RASGRP1: variants seen among roughly 807,000 people sequenced by gnomAD.
The protein encoded by RASGRP1 is RAS guanyl-releasing protein 1.
Under a neutral mutation model 95.1 loss-of-function variants are expected in RASGRP1, and 37 were observed. The observed-to-expected ratio is 0.39, with a 90% CI of 0.30 to 0.51. RASGRP1 has a LOEUF of 0.51. RASGRP1 is among the 20% of genes least tolerant of loss of function. The pLI is 0.80. For synonymous variants in RASGRP1, 325 were observed against 353.4 expected, an observed-to-expected ratio of 0.92 and a Z score of 0.90; for missense variants, 711 against 965.4, an observed-to-expected ratio of 0.74 and a Z score of 3.49.
rs548021831 is a variant in RASGRP1 at position 38,537,449 on chromosome 15, T to C, written c.221-11045A>G. On this transcript the variant is annotated intron_variant, in intron 2 of 16. Transcript: ENST00000310803. ...TGCCACACATCTGGCTGGGTAGTTATGCTACAGTTTGATTCTTTGATGAGC... is the reference window on the plus strand; with the variant it reads ...TGCCACACATCTGGCTGGGTAGTTACGCTACAGTTTGATTCTTTGATGAGC... Among the ~76,000 whole-genome samples, 415 of 152,212 alleles carry C rather than the reference T, an allele frequency of 2.7e-3. 2 individuals carry two copies. Among genetic ancestry groups the C allele is most frequent in the Admixed American group, 4.6e-3 (71 of 15,296 alleles).
At chr15:38,510,584 A>G (rs77505610) in intron 8 of RASGRP1, among the ~76,000 whole-genome samples, 2,394 of 152,362 alleles carry the variant, frequency 0.016, 66 homozygotes, top group African/African-American at 0.054. Flanking sequence ...GTCCTCTTAC[A>G]TGAAAGTGCT....
intron 3 of RASGRP1, among the ~76,000 whole-genome samples, chr15:38,520,665 G>A (rs1034065627): frequency 1.3e-5 from 2 of 151,982 alleles, no homozygotes; most frequent in African/African-American, 4.8e-5. Flanking sequence ...ATCTATTAGA[G>A]TTATAAAAAA....
intron 2 of RASGRP1, among the ~76,000 whole-genome samples, chr15:38,548,497 T>C (rs1893194036): frequency 6.6e-6 from 1 of 152,172 alleles, no homozygotes; most frequent in African/African-American, 2.4e-5. Flanking sequence ...TCACTTGAGC[T>C]GGGAAGGCAG....
intron 2 of RASGRP1, among the ~76,000 whole-genome samples, chr15:38,532,458 C>T (rs1384011018): frequency 2.0e-5 from 3 of 152,136 alleles, no homozygotes; most frequent in Non-Finnish European, 4.4e-5. Context: ...AAAAACTAAG[C>T]GGATTCTGGA....
intron 7 of RASGRP1, 97 bp from the exon 8 acceptor site, chr15:38,511,817 C>T (rs375340815): frequency 1.2e-6 from 1 of 827,808 alleles, no homozygotes. Context: ...GTGAGTCTCC[C>T]TTACGCTGGT....
intron 3 of RASGRP1, among the ~76,000 whole-genome samples, chr15:38,524,904 T>G (rs1892151918): frequency 6.8e-6 from 1 of 147,974 alleles, no homozygotes. Flanking sequence ...GGAGGGGGGG[T>G]CTGCCCCAAT....
chr15:38,505,190 C>T (rs749809851), intron 10 of RASGRP1, among the ~76,000 whole-genome samples: 6 of 152,098 alleles, frequency 3.9e-5, no homozygotes, highest in South Asian at 2.1e-4. Context: ...GGTTTGGAAA[C>T]GTCCCAGGAG....
intron 15 of RASGRP1, among the ~76,000 whole-genome samples, chr15:38,497,255 C>T (rs1029212099): frequency 6.6e-6 from 1 of 152,160 alleles, no homozygotes; most frequent in Non-Finnish European, 1.5e-5. Context: ...GTGCCCCAAC[C>T]GTCCCCAACA....
At chr15:38,547,424 C>T (rs1370380681) in intron 2 of RASGRP1, among the ~76,000 whole-genome samples, 1 of 152,156 alleles carries the variant, frequency 6.6e-6, no homozygotes, top group East Asian at 1.9e-4. Flanking sequence ...ATCAATGCTC[C>T]AGTTCCTTTC....
At chr15:38,515,040 G>T (rs975609848) in intron 6 of RASGRP1, among the ~76,000 whole-genome samples, 1 of 152,202 alleles carries the variant, frequency 6.6e-6, no homozygotes, top group African/African-American at 2.4e-5. Flanking sequence ...TGGAAGCTGG[G>T]AGCTTCCTGG....
chr15:38,534,164 C>T (rs1274195806), intron 2 of RASGRP1: 1 of 151,906 alleles, frequency 6.6e-6, no homozygotes, highest in Non-Finnish European at 1.5e-5. Flanking sequence ...GACAGTTAAT[C>T]CAGATCAACA....
chr15:38,509,154 A>G lies in RASGRP1; in HGVS notation c.967-1153T>C, dbSNP rs774233458. On this transcript the variant is annotated intron_variant, in intron 8 of 16. Transcript: ENST00000310803. The stretch of plus-strand genomic sequence containing the variant: ...TTCTTACTTAGATCTTAGCAACCTC[A>G]GCATATGATTTTTTTCCTTCCTTAT... Among the ~76,000 whole-genome samples the G allele has an allele frequency of 8.5e-5, 13 of 152,216 alleles. 1 individual carries two copies. The South Asian group carries it at 2.3e-3, about 27-fold the overall frequency.
chr15:38,522,284 C>A (rs536872580), intron 3 of RASGRP1, among the ~76,000 whole-genome samples: 2 of 152,292 alleles, frequency 1.3e-5, no homozygotes, highest in South Asian at 4.1e-4. Context: ...CCCTTGCAAT[C>A]TTTTATATTA....
intron 3 of RASGRP1, among the ~76,000 whole-genome samples, chr15:38,523,843 T>C (rs935084171): frequency 6.6e-6 from 1 of 152,220 alleles, no homozygotes; most frequent in Non-Finnish European, 1.5e-5. Flanking sequence ...CAACAGGCTG[T>C]ACCGTCTAGC....
At chr15:38,493,592 T>C (rs985304889) in intron 16 of RASGRP1, among the ~76,000 whole-genome samples, 4 of 152,224 alleles carry the variant, frequency 2.6e-5, no homozygotes, top group African/African-American at 9.6e-5. Flanking sequence ...CTCTGTTAGG[T>C]ACCTGATAAT....
chr15:38,560,701 G>GC (rs1396236210), intron 1 of RASGRP1, among the ~76,000 whole-genome samples: 1 of 152,162 alleles, frequency 6.6e-6, no homozygotes, highest in East Asian at 1.9e-4. Flanking sequence ...TTTCATGGTT[G>GC]ATAATACAGG....
At chr15:38,523,702 A>AT (rs560059160) in intron 3 of RASGRP1, among the ~76,000 whole-genome samples, 27 of 152,166 alleles carry the variant, frequency 1.8e-4, no homozygotes, top group African/African-American at 5.8e-4. Context: ...TATACATATC[A>AT]TTTTTTAATC....
intron 2 of RASGRP1, among the ~76,000 whole-genome samples, chr15:38,552,816 G>C (rs1455502206): frequency 6.6e-6 from 1 of 152,208 alleles, no homozygotes; most frequent in African/African-American, 2.4e-5. Flanking sequence ...GTATGAGCCA[G>C]CCCAGCACAC....
Position 38,503,325 on chromosome 15 carries a change from A to C in RASGRP1, c.1375T>G (p.Ser459Ala), listed in dbSNP as rs749308955. The C allele has an allele frequency of 1.9e-6, 3 of 1,612,726 alleles. No individual in the cohort carries two copies. The highest frequency in any genetic ancestry group is 2.5e-6 in the Non-Finnish European group (3 of 1,179,492). ...PVVVDWASGV[S>A]PKPDPKTISK... is the part of the protein sequence containing the mutation. The stretch of plus-strand genomic sequence containing the variant: ...ATGGTTTTTGGATCAGGTTTGGGAG[A>C]CACTCCAGAAGCCCAGTCCACTACT... The change falls in exon 11 of 17, where the codon TCT (serine) becomes GCT (alanine). Residue 459 changes from serine to alanine, a missense_variant. This residue lies in a region of RASGRP1 where 491 missense variants were observed against 676.6 expected (regional missense o/e 0.73). Transcript: ENST00000310803.
Sources: gnomAD v4.1 joint callset for allele counts (sites outside exome capture counted in the v4.1 genomes callset) on GRCh38, gnomAD v4.1.1 for gene constraint, gnomAD v4.1.1 regional missense constraint, MANE v1.5 for transcripts, NCBI Gene and HGNC (gene_info 2026-07-23, HGNC 2026-07-21) for gene names.